The following CHTF18 variants were observed in gnomAD, a reference collection of about 807,000 sequenced individuals.
The protein encoded by CHTF18 is chromosome transmission fidelity protein 18 homolog.
A neutral mutation model predicts 113.4 loss-of-function variants in CHTF18; 151 were observed. That is an observed-to-expected ratio of 1.33 (90% confidence interval 1.17 to 1.52). The LOEUF (loss-of-function observed/expected upper bound fraction) is 1.52. CHTF18 is among the 40% of genes most tolerant of loss of function. CHTF18 has a pLI of 0.00. For missense variants in CHTF18, 1,982 were observed against 1,381.6 expected (o/e 1.43, Z -6.89); for synonymous variants, 916 against 598.8 (o/e 1.53, Z -7.74).
rs1462581959 is a variant in CHTF18, at chr16:791,266, G to A, written c.1000G>A (p.Val334Ile). 6.2e-7 allele frequency: 1 copy of A among 1,610,606 alleles called. No individual in the cohort carries two copies. Among genetic ancestry groups the A allele is most frequent in the Non-Finnish European group, 8.5e-7 (1 of 1,179,378 alleles). The change falls in exon 8 of 22, where the codon GTC becomes ATC. Residue 334 changes from valine (V) to isoleucine (I), a missense_variant. Physicochemically the swap from Val to Ile is conservative, Grantham distance 29. Coordinates refer to ENST00000262315, the MANE Select transcript of CHTF18 (RefSeq NM_022092.3). ...KPRPSVEPAR[V>I]SKEATAPGKW... ...CAGGCCCAGTGTTGAGCCGGCCCGG[G>A]TCAGCAAGGAGGCCACAGCCCCAGG...
rs764038106 is a variant in CHTF18, at chr16:789,360, G to T, written c.437G>T (p.Gly146Val). The T allele has an allele frequency of 2.5e-6, 4 of 1,584,372 alleles. No individual in the cohort carries two copies. The highest frequency in any genetic ancestry group is 3.4e-6 in the Non-Finnish European group (4 of 1,166,570). Residue 146 changes from glycine (G) to valine (V), a missense_variant and splice_region_variant, in exon 3 of 22, where the codon GGA (glycine) becomes GTA (valine). Coordinates refer to ENST00000262315, the MANE Select transcript of CHTF18 (RefSeq NM_022092.3). Reference sequence around the variant, plus strand: ...GACCTCGCAGAGCTTTGGGGCCACGGGTGTGTGGCTTGGACATGGGCGTCC... The same window carrying T: ...GACCTCGCAGAGCTTTGGGGCCACGTGTGTGTGGCTTGGACATGGGCGTCC... ...PEDLAELWGH[G>V]VSEAAADVGL...
In CHTF18 at chr16:791,198, G is replaced by A. The variant is rs375995023; in HGVS notation, c.932G>A (p.Trp311Ter). The A allele has an allele frequency of 9.3e-6, 15 of 1,611,620 alleles. No homozygotes were observed. Among genetic ancestry groups the A allele is most frequent in the Non-Finnish European group, 1.3e-5 (15 of 1,179,522 alleles). The part of the protein sequence containing the change: ...NRCLLKWLKL[W>*]DLVVFGHERP... ...TGCCTGCTCAAGTGGCTGAAGTTGT[G>A]GGACCTGGTGGTGTTTGGCCACGAG... The change falls in exon 8 of 22, where the codon TGG (tryptophan) becomes TAG (stop). Residue 311 changes from tryptophan (W) to a stop codon, truncating the protein, a stop_gained. Coordinates refer to ENST00000262315, the MANE Select transcript of CHTF18 (RefSeq NM_022092.3). LOFTEE classifies it high-confidence loss of function.
Position 789,696 on chromosome 16 carries a change from C to G in CHTF18, c.587C>G (p.Pro196Arg). ...VRAYLVLRAD[P>R]MAPGVQGSLL... Reference sequence around the variant, plus strand: ...GCTTATCTGGTGCTGCGTGCTGACCCCATGGCCCCGGGGGTGCAGGTGCGT... The same window carrying G: ...GCTTATCTGGTGCTGCGTGCTGACCGCATGGCCCCGGGGGTGCAGGTGCGT... The change falls in exon 4 of 22, where the codon CCC becomes CGC. Residue 196 changes from proline (P) to arginine (R), a missense_variant. By Grantham distance (103) the Pro-to-Arg change is moderately radical (BLOSUM62 -2). Transcript: ENST00000262315. The G allele has an allele frequency of 6.3e-7, 1 of 1,594,910 alleles. No homozygotes were observed. The highest frequency in any genetic ancestry group is 8.5e-7 in the Non-Finnish European group (1 of 1,176,566).
In CHTF18 at chr16:793,216, C is replaced by G; in HGVS notation, c.1744C>G (p.Gln582Glu). 6.2e-7 allele frequency: 1 copy of G among 1,609,576 alleles called. No individual in the cohort carries two copies. The highest frequency in any genetic ancestry group is 1.1e-5 in the South Asian group (1 of 90,442). ...VQATRVGLKD[Q>E]RRGLFSVWQE... is the part of the protein sequence containing the mutation. ...GGCCACACGCGTGGGCCTCAAGGACCAGCGCAGAGGGCTCTTCTCGGTGTG... is the reference window on the plus strand; with the variant it reads ...GGCCACACGCGTGGGCCTCAAGGACGAGCGCAGAGGGCTCTTCTCGGTGTG... The change falls in exon 14 of 22, where the codon CAG (glutamine) becomes GAG (glutamate). Residue 582 changes from glutamine to glutamate, a missense_variant. Gln to Glu is a conservative substitution (Grantham distance 29). Coordinates refer to ENST00000262315, the MANE Select transcript of CHTF18 (RefSeq NM_022092.3).
Position 788,792 on chromosome 16 carries a change from G to T in CHTF18, c.91+17G>T. The T allele has an allele frequency of 1.9e-6, 3 of 1,581,714 alleles. No individual in the cohort carries two copies. Among genetic ancestry groups the T allele is most frequent in the Non-Finnish European group, 2.6e-6 (3 of 1,165,764 alleles). Reference sequence around the variant, plus strand: ...AGCTGGAAGGTGGGGCGCGGCCCCCGGCCGTTGGGGAGGAGCTGCGAAAGC... The same window carrying T: ...AGCTGGAAGGTGGGGCGCGGCCCCCTGCCGTTGGGGAGGAGCTGCGAAAGC... On this transcript the variant is annotated intron_variant, in intron 1 of 21. Coordinates refer to ENST00000262315, the MANE Select transcript of CHTF18 (RefSeq NM_022092.3).
chr16:790,769 A>G (rs3765266), intron 7 of CHTF18, 103 bp downstream of exon 7: 252,500 of 1,438,938 alleles, frequency 0.18, 22,932 homozygotes, highest in East Asian at 0.27. Flanking sequence ...TGGGCCTCGG[A>G]GACGGAGTGG....
chr16:795,442 CG>C (rs1365815026), intron 16 of CHTF18, 86 bp downstream of exon 16: 23 of 636,816 alleles, frequency 3.6e-5, no homozygotes, highest in Middle Eastern at 8.9e-4. Context: ...GCCCCGTGCC[CG>C]CCCCCCCAAA....
At position 792,549 on chromosome 16, in the gene CHTF18, G is replaced by T. The variant is rs749549285; in HGVS notation, c.1437G>T (p.Gly479=). Residue 479 remains glycine (G), a synonymous_variant, in exon 11 of 22, where the codon GGG becomes GGT. Coordinates refer to ENST00000262315, the MANE Select transcript of CHTF18 (RefSeq NM_022092.3). The part of the protein sequence containing the change: ...SGGGRRRRAE[G]GLLMRPIICI... ...GCGGCCGACGGCGCCGGGCAGAGGGGGGGCTCCTCATGAGGCCCATTATCT... is the reference window on the plus strand; with the variant it reads ...GCGGCCGACGGCGCCGGGCAGAGGGTGGGCTCCTCATGAGGCCCATTATCT... 5 of 1,596,774 alleles carry T rather than the reference G, an allele frequency of 3.1e-6. No homozygotes were observed. The East Asian group carries it at 1.1e-4, about 36-fold the overall frequency.
intron 7 of CHTF18, chr16:790,872 C>T (rs2042178320): frequency 5.6e-6 from 8 of 1,431,250 alleles, no homozygotes; most frequent in Non-Finnish European, 7.3e-6. Context: ...GGCTAGGGGT[C>T]CAGGGTGTCA....
chr16:789,860 C>T (rs1361957480), intron 4 of CHTF18, 145 bp downstream of exon 4: 75 of 1,325,724 alleles, frequency 5.7e-5, no homozygotes, highest in Middle Eastern at 1.9e-4. Flanking sequence ...CGTCATGGGG[C>T]GTAGACTTAG....
In CHTF18 at chr16:789,696, C is replaced by T. The variant is rs771956963; in HGVS notation, c.587C>T (p.Pro196Leu). ...GCTTATCTGGTGCTGCGTGCTGACCCCATGGCCCCGGGGGTGCAGGTGCGT... is the reference window on the plus strand; with the variant it reads ...GCTTATCTGGTGCTGCGTGCTGACCTCATGGCCCCGGGGGTGCAGGTGCGT... Reference protein sequence around the residue: ...VRAYLVLRADPMAPGVQGSLL... With the variant: ...VRAYLVLRADLMAPGVQGSLL... Residue 196 changes from proline to leucine, a missense_variant, in exon 4 of 22, where the codon CCC becomes CTC. Physicochemically the swap from Pro to Leu is moderately conservative, Grantham distance 98 (BLOSUM62 -3). Coordinates refer to ENST00000262315, the MANE Select transcript of CHTF18 (RefSeq NM_022092.3). 6.3e-6 allele frequency: 10 copies of T among 1,594,792 alleles called. No homozygotes were observed. Among genetic ancestry groups the T allele is most frequent in the African/African-American group, 1.3e-5 (1 of 74,808 alleles).
In CHTF18 at chr16:792,520, G is replaced by T; in HGVS notation, c.1408G>T (p.Gly470Ter). 1.9e-6 allele frequency: 3 copies of T among 1,592,854 alleles called. No individual in the cohort carries two copies. Among genetic ancestry groups the T allele is most frequent in the Non-Finnish European group, 2.6e-6 (3 of 1,173,314 alleles). Reference sequence around the variant, plus strand: ...GCCACAGGGCCCGGCTGTGCCTTCGGGAGGCGGCCGACGGCGCCGGGCAGA... The same window carrying T: ...GCCACAGGGCCCGGCTGTGCCTTCGTGAGGCGGCCGACGGCGCCGGGCAGA... ...VGPQGPAVPSGGGRRRRAEGG... is the reference protein window; with the variant it reads ...VGPQGPAVPS The change falls in exon 11 of 22, where the codon GGA (glycine) becomes TGA (stop). Residue 470 changes from glycine to a stop codon, truncating the protein, a stop_gained. Transcript: ENST00000262315. LOFTEE classifies it high-confidence loss of function.
At chr16:791,427 G>A (rs919824166) in intron 8 of CHTF18, 57 bp downstream of exon 8, 23 of 1,514,912 alleles carry the variant, frequency 1.5e-5, no homozygotes, top group Non-Finnish European at 1.2e-5. Context: ...ACTCGGCGCC[G>A]GCACCCTTGC....
Position 788,919 on chromosome 16 carries a change from C to A in CHTF18, c.92-12C>A. The A allele has an allele frequency of 6.5e-7, 1 of 1,532,632 alleles. No individual in the cohort carries two copies. Among genetic ancestry groups the A allele is most frequent in the African/African-American group, 1.4e-5 (1 of 70,918 alleles). The allele number at this position is 1,532,632 out of a possible 1,614,324, so 94.9% of individuals were successfully genotyped here. The stretch of plus-strand genomic sequence containing the variant: ...TCTCGGGGCGGCCGCTGACAATCTC[C>A]TCTCCCAGCAGGGGCGTCGACTCCG... On this transcript the variant is annotated splice_polypyrimidine_tract_variant and intron_variant, in intron 1 of 21. Coordinates refer to ENST00000262315, the MANE Select transcript of CHTF18 (RefSeq NM_022092.3).
chr16:796,199 C>A (rs1023002527), intron 18 of CHTF18, 122 bp downstream of exon 18: 2 of 1,304,512 alleles, frequency 1.5e-6, no homozygotes, highest in Non-Finnish European at 1.0e-6. Flanking sequence ...GGTGGCGGGC[C>A]CCAGCTTATC....
In CHTF18 at chr16:788,940, C is replaced by T. The variant is rs904741659; in HGVS notation, c.101C>T (p.Thr34Ile). 1.3e-6 allele frequency: 2 copies of T among 1,554,602 alleles called. No homozygotes were observed. The highest frequency in any genetic ancestry group is 1.7e-6 in the Non-Finnish European group (2 of 1,159,062). Residue 34 changes from threonine to isoleucine, a missense_variant, in exon 2 of 22, where the codon ACT becomes ATT. Transcript: ENST00000262315. ...TCTCCTCTCCCAGCAGGGGCGTCGA[C>T]TCCGTCGCCCTCCGGGGTCCCCCTG... ...EVLAELEGAS[T>I]PSPSGVPLFT...
chr16:794,321 C>T (rs2042280379), intron 15 of CHTF18, 120 bp downstream of exon 15: 2 of 1,207,090 alleles, frequency 1.7e-6, no homozygotes, highest in African/African-American at 3.0e-5. Flanking sequence ...CTGAGAGAGG[C>T]AGGTTCGGGA....
At chr16:790,785 G>A (rs535368433) in intron 7 of CHTF18, 119 bp downstream of exon 7, 1 of 1,437,260 alleles carries the variant, frequency 7.0e-7, no homozygotes, top group East Asian at 2.5e-5. Context: ...AGTGGGCTCT[G>A]GTTTGCCCTT....
At position 790,261 on chromosome 16, in the gene CHTF18, G is replaced by A. The variant is rs993753667; in HGVS notation, c.691G>A (p.Asp231Asn). The A allele has an allele frequency of 7.5e-6, 12 of 1,606,906 alleles. No individual in the cohort carries two copies. The highest frequency in any genetic ancestry group is 3.3e-5 in the South Asian group (3 of 89,960). The change falls in exon 5 of 22, where the codon GAC (aspartate) becomes AAC (asparagine). Residue 231 changes from aspartate to asparagine, a missense_variant. Asp to Asn is a conservative substitution (Grantham distance 23). Coordinates refer to ENST00000262315, the MANE Select transcript of CHTF18 (RefSeq NM_022092.3). ...CTTAGCCTCCCTGAAGAAGCAGGTC[G>A]ACGGCGAGGTAGGGGCTGCGGGTTT... Reference protein sequence around the residue: ...VSLASLKKQVDGERRERLLQE... With the variant: ...VSLASLKKQVNGERRERLLQE...
Sources: gnomAD v4.1 joint callset for allele counts on GRCh38, gnomAD v4.1.1 for gene constraint, MANE v1.5 for transcripts, NCBI Gene and HGNC (gene_info 2026-07-23, HGNC 2026-07-21) for gene names.